Variants in OGDHL observed in about 807,000 individuals in gnomAD.
OGDHL encodes the protein 2-oxoglutarate dehydrogenase-like, mitochondrial.
A neutral mutation model predicts 109.6 loss-of-function variants in OGDHL; 79 were observed. The ratio of observed to expected loss-of-function variants is 0.72; its 90% CI spans 0.60 to 0.87. The LOEUF is 0.87. Ranked by LOEUF, OGDHL falls within the 40% of genes least tolerant of loss-of-function variation. OGDHL has a pLI of 0.00. For synonymous variants in OGDHL, 528 were observed against 537.2 expected, an observed-to-expected ratio of 0.98 and a Z score of 0.24; for missense variants, 1,275 against 1,362.2, an observed-to-expected ratio of 0.94 and a Z score of 1.01.
intron 19 of OGDHL, 39 bp from the exon 20 acceptor site, chr10:49,737,897 G>A: frequency 6.2e-7 from 1 of 1,614,162 alleles, no homozygotes. Context: ...AGCTGGCCCT[G>A]CCTGGCCAGG....
chr10:49,756,196 G>T (rs1030941198), intron 3 of OGDHL, among the ~76,000 whole-genome samples: 1 of 152,158 alleles, frequency 6.6e-6, no homozygotes, highest in Non-Finnish European at 1.5e-5. Context: ...AAATGATTAC[G>T]CTTGTTATGG....
At chr10:49,749,409 T>C (rs1448664381) in intron 8 of OGDHL, among the ~76,000 whole-genome samples, 1 of 152,150 alleles carries the variant, frequency 6.6e-6, no homozygotes, top group Non-Finnish European at 1.5e-5. Context: ...ACTTTGGACA[T>C]GGAGGCACAG....
chr10:49,742,577 A>C (rs912987197), intron 15 of OGDHL, among the ~76,000 whole-genome samples: 14 of 146,700 alleles, frequency 9.5e-5, no homozygotes, highest in South Asian at 2.2e-4. Context: ...CACACCCCCC[A>C]CACACACATG....
chr10:49,742,458 C>T (rs1490909767), intron 15 of OGDHL, among the ~76,000 whole-genome samples: 1 of 105,906 alleles, frequency 9.4e-6, no homozygotes, highest in Non-Finnish European at 2.1e-5. Context: ...CACACACACG[C>T]ACCACACACA....
intron 1 of OGDHL, among the ~76,000 whole-genome samples, chr10:49,761,310 C>A (rs1843259635): frequency 6.6e-6 from 1 of 152,176 alleles, no homozygotes; most frequent in African/African-American, 2.4e-5. Context: ...CAGAAAACTG[C>A]CGACACCATG....
chr10:49,740,068 T>A (rs1273685044), intron 16 of OGDHL, among the ~76,000 whole-genome samples: 1 of 152,148 alleles, frequency 6.6e-6, no homozygotes, highest in Non-Finnish European at 1.5e-5. Context: ...GTGGTCAGGT[T>A]CAACCTTATT....
chr10:49,739,734 A>G lies in OGDHL; in HGVS notation c.2246T>C (p.Ile749Thr). The change falls in exon 17 of 23, where the codon ATC becomes ACC. Residue 749 changes from isoleucine (I) to threonine (T), a missense_variant. By Grantham distance (89) the Ile-to-Thr change is moderately conservative. Coordinates refer to ENST00000374103, the MANE Select transcript of OGDHL (RefSeq NM_018245.3). ...NTAQCIIDQF[I>T]STGQAKWVRH... ...CACCCACTTGGCCTGGCCGGTGCTG[A>G]TGAACTGGTCGATGATGCACTGGGC... 2 of 1,614,140 alleles carry G rather than the reference A, an allele frequency of 1.2e-6. No homozygotes were observed. Among genetic ancestry groups the G allele is most frequent in the South Asian group, 2.2e-5 (2 of 91,070 alleles).
intron 16 of OGDHL, 115 bp downstream of exon 16, chr10:49,740,595 A>G (rs991273273): frequency 1.1e-5 from 14 of 1,303,730 alleles, no homozygotes; most frequent in Non-Finnish European, 1.4e-5. Flanking sequence ...CCATCCCCTA[A>G]GGGCCTCTGA....
chr10:49,746,179 G>A (rs1030267777), intron 10 of OGDHL, among the ~76,000 whole-genome samples: 2 of 152,184 alleles, frequency 1.3e-5, no homozygotes, highest in Non-Finnish European at 2.9e-5. Context: ...AGCACCAGCC[G>A]GGTGGAGCCT....
At position 49,745,789 on chromosome 10, in the gene OGDHL, C is replaced by A; in HGVS notation, c.1476+9G>T. The A allele has an allele frequency of 6.2e-7, 1 of 1,613,322 alleles. No individual in the cohort carries two copies. Among genetic ancestry groups the A allele is most frequent in the South Asian group, 1.1e-5 (1 of 90,982 alleles). On this transcript the variant is annotated intron_variant, in intron 11 of 22. Coordinates refer to ENST00000374103, the MANE Select transcript of OGDHL (RefSeq NM_018245.3). The stretch of plus-strand genomic sequence containing the variant: ...CCACCCATGCCTTGGCCTCAGTCCC[C>A]AGACCCACCAGGTCCACGACAACAT...
Position 49,749,077 on chromosome 10 carries a change from C to T in OGDHL, c.987+649G>A, listed in dbSNP as rs141126236. 4.1e-3 allele frequency among the ~76,000 whole-genome samples: 630 copies of T among 152,210 alleles called. 4 individuals carry two copies. The highest frequency in any genetic ancestry group is 0.01 in the Middle Eastern group (3 of 294). On this transcript the variant is annotated intron_variant, in intron 8 of 22. Coordinates refer to ENST00000374103, the MANE Select transcript of OGDHL (RefSeq NM_018245.3). ...TACAAAAATTAGCCGGGCGTGGTGG[C>T]GCATGCCTGTAATCCCAGCTGCTTG...
At chr10:49,748,885 G>A (rs957082227) in intron 8 of OGDHL, among the ~76,000 whole-genome samples, 5 of 152,064 alleles carry the variant, frequency 3.3e-5, no homozygotes, top group South Asian at 2.1e-4. Flanking sequence ...GAGAGCCACC[G>A]AAAGGGAAGA....
intron 6 of OGDHL, 150 bp downstream of exon 6, chr10:49,751,677 G>A: frequency 2.9e-6 from 3 of 1,043,550 alleles, no homozygotes; most frequent in South Asian, 1.6e-5. Flanking sequence ...TAAACACCTG[G>A]TCCCAACTCT....
chr10:49,735,854 C>T (rs536312484), intron 22 of OGDHL, among the ~76,000 whole-genome samples, 169 bp downstream of exon 22: 1 of 152,344 alleles, frequency 6.6e-6, no homozygotes, highest in Non-Finnish European at 1.5e-5. Context: ...TTCCTTAATA[C>T]AGTTCTGGCT....
At chr10:49,761,089 C>T (rs1451272917) in intron 1 of OGDHL, among the ~76,000 whole-genome samples, 1 of 152,304 alleles carries the variant, frequency 6.6e-6, no homozygotes, top group Non-Finnish European at 1.5e-5. Flanking sequence ...CATGAGGGCT[C>T]AGTATCTAGA....
intron 6 of OGDHL, 76 bp from the exon 7 acceptor site, chr10:49,751,061 C>T (rs1842557228): frequency 1.5e-6 from 2 of 1,354,480 alleles, no homozygotes; most frequent in Non-Finnish European, 1.0e-6. Flanking sequence ...AGGGGCTGTT[C>T]ATGAGTGCTC....
At chr10:49,756,623 G>C in intron 3 of OGDHL, 153 bp downstream of exon 3, 2 of 681,750 alleles carry the variant, frequency 2.9e-6, no homozygotes, top group Non-Finnish European at 4.6e-6. Context: ...ATGTGGCAAA[G>C]ACTGGCTAGA....
chr10:49,740,685 G>T, intron 16 of OGDHL, 25 bp downstream of exon 16: 1 of 1,604,844 alleles, frequency 6.2e-7, no homozygotes, highest in Non-Finnish European at 8.5e-7. Flanking sequence ...GGGCCTGCCT[G>T]GCCTGCAGGA....
At chr10:49,747,763 A>C (rs551267132) in intron 8 of OGDHL, among the ~76,000 whole-genome samples, 1 of 152,364 alleles carries the variant, frequency 6.6e-6, no homozygotes, top group Non-Finnish European at 1.5e-5. Context: ...GCTGAGAAAA[A>C]TATTCATAAA....
Sources: allele counts gnomAD v4.1 joint callset (sites outside exome capture counted in the v4.1 genomes callset), GRCh38; gene constraint gnomAD v4.1.1; transcripts MANE v1.5; gene names NCBI Gene and HGNC (gene_info 2026-07-23, HGNC 2026-07-21).